LRRIQ3: variants seen among roughly 807,000 people sequenced by gnomAD.
The protein encoded by LRRIQ3 is leucine-rich repeat and IQ domain-containing protein 3.
Under a neutral mutation model 59.3 loss-of-function variants are expected in LRRIQ3, and 75 were observed. The ratio of observed to expected loss-of-function variants is 1.26; its 90% confidence interval spans 1.05 to 1.53. The LOEUF is 1.53. Among genes scored for constraint, LRRIQ3 ranks in the 40% most tolerant of loss-of-function variants. The pLI is 0.00. For synonymous variants in LRRIQ3, 250 were observed against 231.3 expected, an observed-to-expected ratio of 1.08 and a Z score of -0.73; for missense variants, 831 against 710.0, an observed-to-expected ratio of 1.17 and a Z score of -1.94.
intron 6 of LRRIQ3, among the ~76,000 whole-genome samples, chr1:74,049,211 TG>T (rs1553162167): frequency 6.6e-6 from 1 of 152,158 alleles, no homozygotes; most frequent in Non-Finnish European, 1.5e-5. Context: ...AGAGTGGTGC[TG>T]GAGACGCTCA....
intron 4 of LRRIQ3, among the ~76,000 whole-genome samples, chr1:74,151,264 C>A (rs985538881): frequency 1.6e-4 from 25 of 151,942 alleles, no homozygotes; most frequent in African/African-American, 5.8e-4. Flanking sequence ...GATCTGCCCA[C>A]CTCAGCCTGA....
intron 3 of LRRIQ3, among the ~76,000 whole-genome samples, chr1:74,177,106 T>A (rs879302400): frequency 5.3e-5 from 8 of 152,240 alleles, no homozygotes; most frequent in Non-Finnish European, 1.0e-4. Flanking sequence ...CTTTTTTTAA[T>A]ATGTATTTTT....
chr1:74,026,627 A>C lies in LRRIQ3; in HGVS notation c.*186T>G. The C allele has an allele frequency of 2.0e-6, 1 of 498,648 alleles. No homozygotes were observed. The highest frequency in any genetic ancestry group is 3.3e-6 in the Non-Finnish European group (1 of 298,686). 30.9% of individuals were successfully genotyped at this position (498,648 alleles called of 1,614,324 possible). A position where few individuals can be genotyped will look rare whatever the true frequency, so the allele number is the denominator to read the frequency against. On this transcript the variant is annotated 3_prime_UTR_variant, in exon 8 of 8. Transcript: ENST00000354431. The stretch of plus-strand genomic sequence containing the variant: ...GAAATTTTTCAGAGGTGCTAAGTCA[A>C]CTTTAAGTTAAATTATGACCAATAA...
At chr1:74,110,656 G>A (rs1479846535) in intron 4 of LRRIQ3, among the ~76,000 whole-genome samples, 4 of 151,932 alleles carry the variant, frequency 2.6e-5, no homozygotes, top group East Asian at 1.9e-4. Flanking sequence ...TATTCAATAG[G>A]AGAAATAAAA....
intron 5 of LRRIQ3, among the ~76,000 whole-genome samples, chr1:74,100,524 TA>T (rs1211521845): frequency 6.6e-6 from 1 of 151,852 alleles, no homozygotes; most frequent in African/African-American, 2.4e-5. Flanking sequence ...ATAAAGCTAC[TA>T]ATGACTTTCT....
At position 74,106,271 on chromosome 1, in the gene LRRIQ3, C is replaced by T. The variant is rs368065313; in HGVS notation, c.867+3123G>A. Among the ~76,000 whole-genome samples the T allele has an allele frequency of 2.0e-4, 30 of 152,104 alleles. No homozygotes were observed. The South Asian group carries it at 5.6e-3, about 28-fold the overall frequency. ...TGGTTGAAGCAGTAAAAGTTTCTGG[C>T]CATCACTTTCTTACTTCACAGATGC... is the stretch of plus-strand genomic sequence containing the variant. On this transcript the variant is annotated intron_variant, in intron 5 of 7. Transcript: ENST00000354431.
At chr1:74,175,205 T>C (rs1307089216) in intron 3 of LRRIQ3, among the ~76,000 whole-genome samples, 4 of 152,136 alleles carry the variant, frequency 2.6e-5, no homozygotes, top group African/African-American at 9.7e-5. Flanking sequence ...GCTGGTCTGC[T>C]GGGGCCAAAT....
At chr1:74,179,797 T>C (rs1190015456) in intron 3 of LRRIQ3, 1 of 152,014 alleles carries the variant, frequency 6.6e-6, no homozygotes, top group Non-Finnish European at 1.5e-5. Flanking sequence ...TGTCAGCATT[T>C]GGTATGCCTA....
intron 6 of LRRIQ3, among the ~76,000 whole-genome samples, chr1:74,061,514 G>T (rs899358367): frequency 1.3e-5 from 2 of 152,020 alleles, no homozygotes; most frequent in Non-Finnish European, 2.9e-5. Flanking sequence ...CAGAGCTGGA[G>T]GCATCACATT....
chr1:74,062,093 C>T (rs781749550), intron 6 of LRRIQ3, among the ~76,000 whole-genome samples: 32 of 151,896 alleles, frequency 2.1e-4, no homozygotes, highest in African/African-American at 6.8e-4. Context: ...TTCTGCAAGG[C>T]AAAATAAATT....
intron 6 of LRRIQ3, 21 bp from the exon 7 acceptor site, chr1:74,041,954 T>C: frequency 6.4e-7 from 1 of 1,551,780 alleles, no homozygotes; most frequent in Non-Finnish European, 8.7e-7. Flanking sequence ...CAGAAGCAAA[T>C]ATTATACATT....
chr1:74,132,798 A>G (rs1053785012), intron 4 of LRRIQ3, among the ~76,000 whole-genome samples: 4 of 152,054 alleles, frequency 2.6e-5, no homozygotes, highest in African/African-American at 4.8e-5. Context: ...CAGGACATAG[A>G]CATGGGCAAG....
intron 4 of LRRIQ3, among the ~76,000 whole-genome samples, chr1:74,133,292 A>C (rs775718575): frequency 6.6e-6 from 1 of 152,216 alleles, no homozygotes; most frequent in African/African-American, 2.4e-5. Flanking sequence ...ACCATTGTGG[A>C]AGACGGTGTA....
intron 4 of LRRIQ3, among the ~76,000 whole-genome samples, chr1:74,154,459 C>G (rs1648200881): frequency 6.6e-6 from 1 of 151,800 alleles, no homozygotes. Context: ...AGAGAAAATA[C>G]AAATCATCTT....
At position 74,041,422 on chromosome 1, in the gene LRRIQ3, C is replaced by A. The variant is rs749654879; in HGVS notation, c.1509G>T (p.Leu503=). 6 of 1,613,622 alleles carry A rather than the reference C, an allele frequency of 3.7e-6. No individual in the cohort carries two copies. Among genetic ancestry groups the A allele is most frequent in the Admixed American group, 1.7e-5 (1 of 59,964 alleles). Residue 503 remains leucine, a synonymous_variant, in exon 7 of 8, where the codon CTG becomes CTT. Coordinates refer to ENST00000354431, the MANE Select transcript of LRRIQ3 (RefSeq NM_001105659.2). ...CCTTTTGGGATTTTTCTTTTAGAAA[C>A]AGAGCTTTTCTCTCTCTAGCTTTTT... ...YLEKARERKA[L]FLKEKSQKAS...
chr1:74,142,811 A>T (rs1647319046), intron 4 of LRRIQ3, among the ~76,000 whole-genome samples: 1 of 151,930 alleles, frequency 6.6e-6, no homozygotes, highest in Admixed American at 6.6e-5. Flanking sequence ...TTGCTGATGG[A>T]TGTACTATTC....
chr1:74,167,456 C>T (rs759153254), intron 3 of LRRIQ3, among the ~76,000 whole-genome samples: 7 of 151,586 alleles, frequency 4.6e-5, no homozygotes, highest in African/African-American at 1.2e-4. Context: ...AGCAAACCAC[C>T]GTGACACATG....
chr1:74,131,148 A>G (rs1478718753), intron 4 of LRRIQ3, among the ~76,000 whole-genome samples: 1 of 152,182 alleles, frequency 6.6e-6, no homozygotes, highest in East Asian at 1.9e-4. Context: ...ATTCCTGGAC[A>G]CATACACCCT....
intron 6 of LRRIQ3, among the ~76,000 whole-genome samples, chr1:74,047,362 T>C (rs1306466930): frequency 6.6e-6 from 1 of 152,122 alleles, no homozygotes; most frequent in African/African-American, 2.4e-5. Flanking sequence ...AAACACCACA[T>C]GTTCTCACTC....
Sources: allele counts gnomAD v4.1 joint callset (sites outside exome capture counted in the v4.1 genomes callset), GRCh38; gene constraint gnomAD v4.1.1; transcripts MANE v1.5; gene names NCBI Gene and HGNC (gene_info 2026-07-23, HGNC 2026-07-21).